Variants in CEP128 observed in about 807,000 individuals in gnomAD.
CEP128 encodes the protein centrosomal protein 128kDa.
CEP128 carries 132 observed loss-of-function variants against 156.7 expected under a neutral mutation model. That is an observed-to-expected ratio of 0.84 (90% confidence interval 0.73 to 0.97). The LOEUF (loss-of-function observed/expected upper bound fraction) is 0.97, where lower values mean the gene tolerates loss of function less well. Among genes scored for constraint, CEP128 ranks in the 50% least tolerant of loss-of-function variants. CEP128 has a pLI of 0.00. For synonymous variants in CEP128, 469 were observed against 448.9 expected, an observed-to-expected ratio of 1.04 and a Z score of -0.57; for missense variants, 1,252 against 1,281.9, an observed-to-expected ratio of 0.98 and a Z score of 0.36.
rs564033819 is a variant in CEP128 at position 80,637,095 on chromosome 14, A to G, written c.2807-56672T>C. Among the ~76,000 whole-genome samples, 1,180 of 135,212 alleles carry G rather than the reference A, an allele frequency of 8.7e-3. 26 individuals carry two copies. Among genetic ancestry groups the G allele is most frequent in the African/African-American group, 0.037 (1,118 of 30,468 alleles). 88.7% of individuals were successfully genotyped at this position (135,212 alleles called of 152,430 possible). On this transcript the variant is annotated intron_variant, in intron 19 of 24. Coordinates refer to ENST00000555265, the MANE Select transcript of CEP128 (RefSeq NM_152446.5). ...GAGCGAAACTCCGTCTTTAAAAAAAAAAAAAAGAAAAGAAAATACAAATCT... is the reference window on the plus strand; with the variant it reads ...GAGCGAAACTCCGTCTTTAAAAAAAGAAAAAAGAAAAGAAAATACAAATCT...
At chr14:80,571,202 G>A (rs537036421) in intron 20 of CEP128, among the ~76,000 whole-genome samples, 2 of 152,172 alleles carry the variant, frequency 1.3e-5, no homozygotes, top group South Asian at 2.1e-4. Context: ...GATCTGGACC[G>A]CAGGGGTTAG....
At chr14:80,514,108 A>G (rs1349547563) in intron 23 of CEP128, among the ~76,000 whole-genome samples, 1 of 152,240 alleles carries the variant, frequency 6.6e-6, no homozygotes, top group Non-Finnish European at 1.5e-5. Flanking sequence ...GATAAACTCA[A>G]CCAATTGTCA....
At chr14:80,863,762 T>G (rs1887633104) in intron 8 of CEP128, among the ~76,000 whole-genome samples, 1 of 152,270 alleles carries the variant, frequency 6.6e-6, no homozygotes, top group African/African-American at 2.4e-5. Flanking sequence ...GGAACCTTAT[T>G]GGGGTCGTGT....
chr14:80,587,016 A>G (rs928715657), intron 19 of CEP128, among the ~76,000 whole-genome samples: 1 of 152,132 alleles, frequency 6.6e-6, no homozygotes, highest in African/African-American at 2.4e-5. Context: ...CTTGGTATAT[A>G]AGAAGCATTA....
In CEP128 at chr14:80,789,689, T is replaced by C. The variant is rs528067168; in HGVS notation, c.1560+3071A>G. On this transcript the variant is annotated intron_variant, in intron 14 of 24. Coordinates refer to ENST00000555265, the MANE Select transcript of CEP128 (RefSeq NM_152446.5). ...AAGAAGGGGCAAAAGAAAAGATTAC[T>C]GAAAGAAGGCCTGAAAAAAGCTGTG... Among the ~76,000 whole-genome samples, 104 of 152,042 alleles carry C rather than the reference T, an allele frequency of 6.8e-4. 5 individuals carry two copies. The South Asian group carries it at 0.012, about 18-fold the overall frequency.
intron 4 of CEP128, 97 bp downstream of exon 4, chr14:80,914,225 C>T: frequency 1.2e-6 from 1 of 821,416 alleles, no homozygotes; most frequent in East Asian, 2.5e-5. Context: ...AAGCACTTCA[C>T]AATGGTTTTT....
At chr14:80,882,521 A>C (rs1193217681) in intron 8 of CEP128, among the ~76,000 whole-genome samples, 1 of 152,188 alleles carries the variant, frequency 6.6e-6, no homozygotes, top group African/African-American at 2.4e-5. Context: ...AGGGTCCTCA[A>C]AAAACTAAAA....
At chr14:80,929,003 T>C (rs1334967603) in intron 2 of CEP128, among the ~76,000 whole-genome samples, 1 of 151,810 alleles carries the variant, frequency 6.6e-6, no homozygotes, top group African/African-American at 2.4e-5. Flanking sequence ...ATCCAGAATC[T>C]ACAAGGAACT....
intron 19 of CEP128, among the ~76,000 whole-genome samples, chr14:80,690,410 C>G (rs1250610531): frequency 1.3e-5 from 2 of 150,210 alleles, no homozygotes; most frequent in Admixed American, 6.6e-5. Context: ...CAGCGAAACT[C>G]CATCTCAAAA....
chr14:80,907,540 C>A (rs914918188), intron 4 of CEP128, among the ~76,000 whole-genome samples: 4 of 151,860 alleles, frequency 2.6e-5, no homozygotes, highest in African/African-American at 9.7e-5. Context: ...TGCCTGTAAT[C>A]CCAACTACTC....
At chr14:80,788,744 G>A (rs995563616) in intron 14 of CEP128, among the ~76,000 whole-genome samples, 4 of 151,804 alleles carry the variant, frequency 2.6e-5, no homozygotes, top group East Asian at 3.9e-4. Context: ...TTCTCCTCTC[G>A]GTCAACCCTA....
At chr14:80,570,066 T>C (rs1052921895) in intron 20 of CEP128, among the ~76,000 whole-genome samples, 1 of 152,178 alleles carries the variant, frequency 6.6e-6, no homozygotes, top group Non-Finnish European at 1.5e-5. Context: ...ATCAAAACTA[T>C]TTATTGTAAG....
At chr14:80,664,638 G>T (rs566450073) in intron 19 of CEP128, among the ~76,000 whole-genome samples, 1 of 152,252 alleles carries the variant, frequency 6.6e-6, no homozygotes, top group Admixed American at 6.5e-5. Context: ...TGATTGTCCT[G>T]GTCACAAAGT....
At chr14:80,697,803 G>A (rs1334325306) in intron 19 of CEP128, among the ~76,000 whole-genome samples, 1 of 151,848 alleles carries the variant, frequency 6.6e-6, no homozygotes, top group Non-Finnish European at 1.5e-5. Context: ...CTGAACAATG[G>A]GTTGATAAGC....
chr14:80,492,733 G>GA (rs545402586), downstream of CEP128, among the ~76,000 whole-genome samples: 258 of 151,792 alleles, frequency 1.7e-3, 2 homozygotes, highest in African/African-American at 6.1e-3. Flanking sequence ...AAATTTATAA[G>GA]AAAAAAACAA....
intron 19 of CEP128, among the ~76,000 whole-genome samples, chr14:80,654,939 A>T (rs1895066032): frequency 6.6e-6 from 1 of 152,138 alleles, no homozygotes; most frequent in Non-Finnish European, 1.5e-5. Context: ...GAACTGGTAT[A>T]AACAATCATG....
intron 8 of CEP128, among the ~76,000 whole-genome samples, chr14:80,883,077 AAC>A (rs1279239930): frequency 6.6e-6 from 1 of 152,204 alleles, no homozygotes; most frequent in Non-Finnish European, 1.5e-5. Flanking sequence ...ACTAAGGATA[AAC>A]ACTTGAGGTA....
chr14:80,482,184 C>T (rs535947551), intron 14 of CEP128, among the ~76,000 whole-genome samples: 2 of 152,240 alleles, frequency 1.3e-5, no homozygotes, highest in South Asian at 4.1e-4. Flanking sequence ...AGCAGAAATG[C>T]TACTTCCTTT....
At chr14:80,788,092 G>A (rs961657938) in intron 14 of CEP128, among the ~76,000 whole-genome samples, 17 of 152,048 alleles carry the variant, frequency 1.1e-4, no homozygotes, top group Non-Finnish European at 2.9e-5. Flanking sequence ...AAGCTCTGTC[G>A]ATCTGATTCT....
Sources: allele counts gnomAD v4.1 joint callset (sites outside exome capture counted in the v4.1 genomes callset), GRCh38; gene constraint gnomAD v4.1.1; transcripts MANE v1.5; gene names NCBI Gene and HGNC (gene_info 2026-07-23, HGNC 2026-07-21).